Variants in SLC6A15 observed in about 807,000 individuals in gnomAD.
SLC6A15 encodes sodium-dependent neutral amino acid transporter B(0)AT2.
A neutral mutation model predicts 68.5 loss-of-function variants in SLC6A15; 33 were observed. That is an observed-to-expected ratio of 0.48 (90% CI 0.37 to 0.64). SLC6A15 has a LOEUF of 0.64. Among genes scored for constraint, SLC6A15 ranks in the 30% least tolerant of loss-of-function variants. The probability of loss-of-function intolerance (pLI) is 0.00; values close to 1 mark genes in which losing one functional copy is unlikely to be tolerated. For synonymous variants in SLC6A15, 347 were observed against 301.0 expected, an observed-to-expected ratio of 1.15 and a Z score of -1.58; for missense variants, 747 against 874.3, an observed-to-expected ratio of 0.85 and a Z score of 1.84.
chr12:84,861,937 T>A lies in SLC6A15; in HGVS notation c.1888A>T (p.Ile630Leu). 6.2e-7 allele frequency: 1 copy of A among 1,613,836 alleles called. No homozygotes were observed. Among genetic ancestry groups the A allele is most frequent in the East Asian group, 2.2e-5 (1 of 44,872 alleles). The stretch of plus-strand genomic sequence containing the variant: ...ATGAAAACTACAGGGACTGGGAGTA[T>A]TGCAAAGACAACCAGAGAGACACAA... ...VVCVSLVVFA[I>L]LPVPVVFIVR... Residue 630 changes from isoleucine (I) to leucine (L), a missense_variant, in exon 12 of 12, where the codon ATA (isoleucine) becomes TTA (leucine). Transcript: ENST00000266682.
intron 9 of SLC6A15, chr12:84,867,514 A>G (rs1871113143): frequency 6.1e-6 from 1 of 164,316 alleles, no homozygotes; most frequent in Admixed American, 6.4e-5. Flanking sequence ...CTCTATTCGT[A>G]TAATTAATAG....
chr12:84,871,881 G>A (rs144396413), intron 8 of SLC6A15, among the ~76,000 whole-genome samples: 60 of 152,190 alleles, frequency 3.9e-4, no homozygotes, highest in East Asian at 3.9e-3. Flanking sequence ...GGTTGGGCAC[G>A]GTGGCTGAGG....
chr12:84,889,549 C>T (rs1416083319), intron 2 of SLC6A15, among the ~76,000 whole-genome samples: 1 of 141,730 alleles, frequency 7.1e-6, no homozygotes, highest in Non-Finnish European at 1.6e-5. Flanking sequence ...AAACAGTTTT[C>T]CCTGAGTCTT....
At chr12:84,895,339 ATTTTTTTTTTTTTTTTTT>A (rs67339994) in intron 1 of SLC6A15, among the ~76,000 whole-genome samples, 3 of 54,774 alleles carry the variant, frequency 5.5e-5, no homozygotes, top group African/African-American at 1.3e-4. Context: ...TTTTGTTTGT[ATTTTTTTTTTTTTTTTTT>A]TTTTTTTTTT....
At chr12:84,910,227 G>GA (rs1331707922) in intron 1 of SLC6A15, among the ~76,000 whole-genome samples, 1 of 151,486 alleles carries the variant, frequency 6.6e-6, no homozygotes, top group African/African-American at 2.4e-5. Context: ...TGTGCAATCA[G>GA]AAAAAAGAAA....
At chr12:84,871,219 A>G (rs928520973) in intron 8 of SLC6A15, among the ~76,000 whole-genome samples, 2 of 151,730 alleles carry the variant, frequency 1.3e-5, no homozygotes, top group African/African-American at 4.8e-5. Context: ...AAGGATGTGA[A>G]CAGAATAAGT....
chr12:84,907,519 T>A (rs1200040672), intron 1 of SLC6A15, among the ~76,000 whole-genome samples: 1 of 152,200 alleles, frequency 6.6e-6, no homozygotes, highest in Non-Finnish European at 1.5e-5. Flanking sequence ...GATGTTGCTA[T>A]ATTCCTATCA....
At chr12:84,863,375 A>G in intron 11 of SLC6A15, 64 bp downstream of exon 11, 3 of 1,251,616 alleles carry the variant, frequency 2.4e-6, no homozygotes, top group Non-Finnish European at 3.3e-6. Flanking sequence ...GACAAAAGAA[A>G]AAGCCCTCTA....
Position 84,870,498 on chromosome 12 carries a change from A to ACAG in SLC6A15, c.1474_1475insCTG (p.Lys491_Val492insAla). 6.6e-7 allele frequency: 1 copy of ACAG among 1,520,024 alleles called. No individual in the cohort carries two copies. Among genetic ancestry groups the ACAG allele is most frequent in the Non-Finnish European group, 8.8e-7 (1 of 1,132,656 alleles). The allele number at this position is 1,520,024 out of a possible 1,614,324, so 94.2% of individuals were successfully genotyped here. A position where few individuals can be genotyped will look rare whatever the true frequency, so the allele number is the denominator to read the frequency against. On this transcript the variant is annotated inframe_insertion, in exon 9 of 12. Coordinates refer to ENST00000266682, the MANE Select transcript of SLC6A15 (RefSeq NM_182767.6). The stretch of plus-strand genomic sequence containing the variant: ...CTCACCAGTAAGAATTTCTTTCCTC[A>ACAG]CTTTGAAAGTGTCCACAATAGGCGT...
At chr12:84,862,881 C>G (rs568736271) in intron 11 of SLC6A15, among the ~76,000 whole-genome samples, 14 of 152,170 alleles carry the variant, frequency 9.2e-5, no homozygotes, top group African/African-American at 3.4e-4. Flanking sequence ...CCTTCAACTC[C>G]TAGGCTCAAG....
At chr12:84,879,324 A>G (rs1391714867) in intron 5 of SLC6A15, among the ~76,000 whole-genome samples, 1 of 119,034 alleles carries the variant, frequency 8.4e-6, no homozygotes, top group East Asian at 1.9e-4. Context: ...CTACACTATC[A>G]CACACTTTCT....
intron 1 of SLC6A15, among the ~76,000 whole-genome samples, chr12:84,910,675 A>G (rs1592620229): frequency 6.6e-6 from 1 of 152,310 alleles, no homozygotes; most frequent in East Asian, 1.9e-4. Flanking sequence ...CTTGCTGGAC[A>G]AAGGTCCAAG....
intron 5 of SLC6A15, chr12:84,882,167 A>G (rs1280569613): frequency 1.0e-6 from 1 of 985,266 alleles, no homozygotes. Flanking sequence ...ACCTGAGTAC[A>G]AGAGTTTTTG....
chr12:84,878,145 C>A (rs982436434), intron 5 of SLC6A15, among the ~76,000 whole-genome samples: 3 of 151,806 alleles, frequency 2.0e-5, no homozygotes, highest in Non-Finnish European at 2.9e-5. Flanking sequence ...ACATGGCACA[C>A]CTTAAGGAAA....
At chr12:84,886,822 T>C (rs1047615649) in intron 2 of SLC6A15, among the ~76,000 whole-genome samples, 1 of 152,192 alleles carries the variant, frequency 6.6e-6, no homozygotes, top group African/African-American at 2.4e-5. Context: ...AATCACAAAT[T>C]AAGACATATG....
chr12:84,868,665 T>C (rs1871162425), intron 9 of SLC6A15, among the ~76,000 whole-genome samples: 1 of 152,172 alleles, frequency 6.6e-6, no homozygotes, highest in South Asian at 2.1e-4. Context: ...TAATATTTCA[T>C]TGAGGTCAAA....
At chr12:84,879,853 CT>C (rs1448918493) in intron 5 of SLC6A15, among the ~76,000 whole-genome samples, 1 of 152,070 alleles carries the variant, frequency 6.6e-6, no homozygotes, top group Non-Finnish European at 1.5e-5. Flanking sequence ...CCATCAGTGC[CT>C]GACAAATAGC....
chr12:84,869,410 T>C (rs376433250), intron 9 of SLC6A15, among the ~76,000 whole-genome samples: 57 of 134,088 alleles, frequency 4.3e-4, no homozygotes, highest in East Asian at 2.1e-3. Flanking sequence ...TGCAGTGAGC[T>C]GAGATCGCAC....
At chr12:84,898,102 G>A (rs973325793) in intron 1 of SLC6A15, among the ~76,000 whole-genome samples, 7 of 152,182 alleles carry the variant, frequency 4.6e-5, no homozygotes, top group Non-Finnish European at 5.9e-5. Flanking sequence ...AGCACTGGGA[G>A]GCTGAGATGG....
Sources: allele counts gnomAD v4.1 joint callset (sites outside exome capture counted in the v4.1 genomes callset), GRCh38; gene constraint gnomAD v4.1.1; transcripts MANE v1.5; gene names NCBI Gene and HGNC (gene_info 2026-07-23, HGNC 2026-07-21).